The following LRRC37A2 variants were observed in gnomAD, a reference collection of about 807,000 sequenced individuals.
The protein encoded by LRRC37A2 is leucine rich repeat containing 37 member A2, also known as leucine-rich repeat-containing protein 37A2.
LRRC37A2 carries 9 observed loss-of-function variants against 68.8 expected under a neutral mutation model. The observed-to-expected ratio is 0.13, with a 90% CI of 0.08 to 0.23. The LOEUF (loss-of-function observed/expected upper bound fraction) is 0.23, where lower values mean the gene tolerates loss of function less well. Ranked by LOEUF, LRRC37A2 falls within the 10% of genes least tolerant of loss-of-function variation. The pLI is 1.00. For missense variants in LRRC37A2, 168 were observed against 950.4 expected (o/e 0.18, Z 10.82); for synonymous variants, 63 against 367.6 (o/e 0.17, Z 9.48).
At chr17:46,403,736 TTGCCCAG>T in the LRRC37A2 span, among the ~76,000 whole-genome samples, 1 of 94,294 alleles carries the variant, frequency 1.1e-5, no homozygotes, top group Non-Finnish European at 2.4e-5. Context: ...TCTCGCTCTG[TTGCCCAG>T]ACTGGAGTAC....
At chr17:46,755,914 C>A in the LRRC37A2 span, 2 of 1,286,094 alleles carry the variant, frequency 1.6e-6, no homozygotes, top group Non-Finnish European at 2.2e-6. Flanking sequence ...AGATACTGGA[C>A]TAAGTGGAAC....
the LRRC37A2 span, among the ~76,000 whole-genome samples, chr17:46,767,950 G>A: frequency 1.2e-4 from 19 of 152,054 alleles, no homozygotes; most frequent in African/African-American, 2.9e-4. Context: ...CACAACGCCC[G>A]GCTAATTTTT....
At chr17:46,857,750 C>T in the LRRC37A2 span, among the ~76,000 whole-genome samples, 1 of 152,248 alleles carries the variant, frequency 6.6e-6, no homozygotes, top group East Asian at 1.9e-4. Context: ...TCAGTTTTAA[C>T]TTGTGGCTAT....
At chr17:46,877,155 G>A in the LRRC37A2 span, 1 of 919,252 alleles carries the variant, frequency 1.1e-6, no homozygotes. Context: ...AGCTGGAAGT[G>A]AAGGCGGGAG....
At chr17:46,851,732 C>A in the LRRC37A2 span, 5 of 1,252,646 alleles carry the variant, frequency 4.0e-6, no homozygotes, top group Non-Finnish European at 5.0e-6. The surrounding 1 kb of genome is among the most constrained non-coding windows in gnomAD (Gnocchi z 4.3). Flanking sequence ...GCCCGCCGCG[C>A]CCCCCGCCCG....
At chr17:46,989,224 G>C in the LRRC37A2 span, among the ~76,000 whole-genome samples, 2 of 152,210 alleles carry the variant, frequency 1.3e-5, no homozygotes, top group East Asian at 1.9e-4. Context: ...ACCTGCTTCA[G>C]GGTCTGTGAA....
the LRRC37A2 span, chr17:46,770,066 G>A: frequency 1.3e-6 from 2 of 1,531,840 alleles, no homozygotes; most frequent in Admixed American, 2.0e-5. Flanking sequence ...GAGGTCGTGG[G>A]GAGGCAGCAC....
At chr17:47,007,438 A>G in the LRRC37A2 span, among the ~76,000 whole-genome samples, 1 of 152,248 alleles carries the variant, frequency 6.6e-6, no homozygotes, top group African/African-American at 2.4e-5. Flanking sequence ...TCTGCCTCCC[A>G]AAGTGCTGGG....
the LRRC37A2 span, among the ~76,000 whole-genome samples, chr17:47,028,814 C>T: frequency 6.6e-6 from 1 of 151,204 alleles, no homozygotes; most frequent in Admixed American, 6.6e-5. Context: ...TTGTGTTAAG[C>T]TTCCTTCCTT....
the LRRC37A2 span, among the ~76,000 whole-genome samples, chr17:46,580,011 G>A: frequency 6.7e-6 from 1 of 149,564 alleles, no homozygotes; most frequent in Non-Finnish European, 1.5e-5. Context: ...AGCTAACCTC[G>A]GAGCGTTCAC....
chr17:46,843,307 G>T, the LRRC37A2 span, among the ~76,000 whole-genome samples: 2 of 152,188 alleles, frequency 1.3e-5, no homozygotes, highest in Non-Finnish European at 2.9e-5. Flanking sequence ...ATGTAGCAAA[G>T]GTATGCTTTG....
chr17:47,019,204 C>T, the LRRC37A2 span: 1 of 1,447,408 alleles, frequency 6.9e-7, no homozygotes, highest in South Asian at 1.2e-5. Context: ...CTGGGGTTTA[C>T]CATCACTCCA....
chr17:46,901,693 A>G, the LRRC37A2 span, among the ~76,000 whole-genome samples: 6 of 152,346 alleles, frequency 3.9e-5, no homozygotes, highest in African/African-American at 1.4e-4. Flanking sequence ...CAATAGGTCT[A>G]GTCTGATATC....
chr17:46,934,869 C>T, the LRRC37A2 span, among the ~76,000 whole-genome samples: 1 of 152,220 alleles, frequency 6.6e-6, no homozygotes, highest in Non-Finnish European at 1.5e-5. Flanking sequence ...GAGGCCACCC[C>T]AGGCCTTTGC....
the LRRC37A2 span, among the ~76,000 whole-genome samples, chr17:46,826,536 G>A: frequency 4.6e-5 from 7 of 152,196 alleles, no homozygotes; most frequent in Non-Finnish European, 1.0e-4. Context: ...GAGTGGTTGC[G>A]TTAGAGCCCA....
At chr17:46,498,120 G>A in the LRRC37A2 span, among the ~76,000 whole-genome samples, 1 of 141,114 alleles carries the variant, frequency 7.1e-6, no homozygotes. Context: ...GTAGAGACGG[G>A]GTTTCACCAT....
chr17:46,768,200 T>G, the LRRC37A2 span: 1 of 1,481,792 alleles, frequency 6.7e-7, no homozygotes, highest in Non-Finnish European at 9.1e-7. This position sits in a 1 kb window ranked among gnomAD's most constrained non-coding sequence, Gnocchi z 5.0. Flanking sequence ...GGAACTTGTG[T>G]GTCTTGGATA....
chr17:46,583,928 C>T, the LRRC37A2 span, among the ~76,000 whole-genome samples: 1 of 45,732 alleles, frequency 2.2e-5, no homozygotes, highest in South Asian at 8.1e-4. Flanking sequence ...CATTCAATTG[C>T]TAAACAATTA....
At chr17:47,009,424 ATC>A in the LRRC37A2 span, among the ~76,000 whole-genome samples, 7 of 152,178 alleles carry the variant, frequency 4.6e-5, no homozygotes, top group Non-Finnish European at 1.0e-4. Context: ...ATGGATAGGA[ATC>A]TACCCAGAGC....
Sources: gnomAD v4.1 joint callset for allele counts (sites outside exome capture counted in the v4.1 genomes callset) on GRCh38, gnomAD v4.1.1 for gene constraint, Gnocchi (gnomAD v3.1) non-coding constraint, MANE v1.5 for transcripts, NCBI Gene and HGNC (gene_info 2026-07-23, HGNC 2026-07-21) for gene names.